Variants in EPB41 observed in about 807,000 individuals in gnomAD.
EPB41 encodes erythrocyte membrane protein band 4.1.
EPB41 carries 65 observed loss-of-function variants against 108.0 expected under a neutral mutation model. The observed-to-expected ratio is 0.60, with a 90% CI of 0.49 to 0.74. The LOEUF is 0.74. Ranked by LOEUF, EPB41 falls within the 30% of genes least tolerant of loss-of-function variation. EPB41 has a pLI of 0.00. For synonymous variants in EPB41, 336 were observed against 358.9 expected (o/e 0.94, Z 0.72); for missense variants, 875 against 1,037.0 (o/e 0.84, Z 2.15).
At chr1:29,024,964 G>A (rs1325647112) in intron 7 of EPB41, among the ~76,000 whole-genome samples, 3 of 151,956 alleles carry the variant, frequency 2.0e-5, no homozygotes, top group Admixed American at 6.6e-5. Flanking sequence ...CAACAACATG[G>A]CATTTTAACT....
intron 3 of EPB41, 96 bp from the exon 4 acceptor site, chr1:28,997,119 T>C: frequency 1.1e-6 from 1 of 920,234 alleles, no homozygotes; most frequent in South Asian, 1.3e-5. Flanking sequence ...GCCACTGTAC[T>C]CCAGCCTGGG....
At chr1:29,088,371 C>T (rs942977604) in intron 16 of EPB41, among the ~76,000 whole-genome samples, 4 of 152,008 alleles carry the variant, frequency 2.6e-5, no homozygotes, top group Non-Finnish European at 5.9e-5. Context: ...TACAGATTCC[C>T]CATCAGTTCA....
At chr1:28,936,968 A>C (rs990224877) in intron 1 of EPB41, among the ~76,000 whole-genome samples, 1 of 152,186 alleles carries the variant, frequency 6.6e-6, no homozygotes, top group African/African-American at 2.4e-5. Context: ...TTCTATGTTT[A>C]ACTTTTTGAG....
In EPB41 at chr1:29,018,284, T is replaced by G; in HGVS notation, c.966T>G (p.Phe322Leu). ...TTGCAGGACGTCTGCCCTGTTCCTT[T>G]GCAACCTTAGCATTATTAGGTTCTT... ...DIVAGRLPCS[F>L]ATLALLGSYT... The change falls in exon 7 of 21, where the codon TTT becomes TTG. Residue 322 changes from phenylalanine to leucine, a missense_variant. Coordinates refer to ENST00000343067, the MANE Select transcript of EPB41 (RefSeq NM_001376013.1). This position sits in a 1 kb window ranked among gnomAD's most constrained non-coding sequence, Gnocchi z 4.4. 6.2e-7 allele frequency: 1 copy of G among 1,614,202 alleles called. No individual in the cohort carries two copies. Among genetic ancestry groups the G allele is most frequent in the Non-Finnish European group, 8.5e-7 (1 of 1,180,044 alleles).
intron 1 of EPB41, among the ~76,000 whole-genome samples, chr1:28,890,574 G>A (rs1557601372): frequency 6.6e-6 from 1 of 152,194 alleles, no homozygotes; most frequent in Non-Finnish European, 1.5e-5. Context: ...TGAAGGCTGA[G>A]TATGACGGGC....
upstream of EPB41, among the ~76,000 whole-genome samples, chr1:28,910,717 G>A (rs157196): frequency 0.17 from 26,281 of 151,982 alleles, 2,842 homozygotes; most frequent in East Asian, 0.48. Context: ...AGTTTGCTGT[G>A]GGGAAGGATT....
At chr1:29,079,001 T>G (rs967741580) in intron 16 of EPB41, among the ~76,000 whole-genome samples, 7 of 152,082 alleles carry the variant, frequency 4.6e-5, no homozygotes, top group Non-Finnish European at 7.4e-5. Context: ...AAAATGATTT[T>G]TTTTTTTTTT....
At chr1:28,928,750 T>C (rs1006606462) in intron 1 of EPB41, among the ~76,000 whole-genome samples, 2 of 152,192 alleles carry the variant, frequency 1.3e-5, no homozygotes, top group African/African-American at 4.8e-5. Flanking sequence ...GTTGGTGTGA[T>C]CAAGATAGAA....
At chr1:29,020,218 C>G (rs964843980) in intron 7 of EPB41, among the ~76,000 whole-genome samples, 3 of 151,970 alleles carry the variant, frequency 2.0e-5, no homozygotes, top group African/African-American at 7.3e-5. Flanking sequence ...CAGGCGCCCA[C>G]CAACACACCT....
intron 1 of EPB41, among the ~76,000 whole-genome samples, chr1:28,895,779 C>T (rs1385002387): frequency 1.3e-5 from 2 of 152,152 alleles, no homozygotes; most frequent in Non-Finnish European, 1.5e-5. Flanking sequence ...TGAGCCACCA[C>T]GCCCGGCCCT....
At chr1:28,894,868 CCT>C (rs1429618613) in intron 1 of EPB41, among the ~76,000 whole-genome samples, 1 of 152,146 alleles carries the variant, frequency 6.6e-6, no homozygotes, top group Non-Finnish European at 1.5e-5. Context: ...ACTATGTGTT[CCT>C]CTTTCTGGCT....
At chr1:29,039,763 G>A (rs1445576849) in intron 11 of EPB41, among the ~76,000 whole-genome samples, 2 of 152,062 alleles carry the variant, frequency 1.3e-5, no homozygotes, top group Non-Finnish European at 2.9e-5. Flanking sequence ...GTAGTGAGCC[G>A]AGATCATGCC....
chr1:29,055,894 C>T (rs976169382), intron 12 of EPB41, among the ~76,000 whole-genome samples: 5 of 134,570 alleles, frequency 3.7e-5, no homozygotes, highest in African/African-American at 1.4e-4. Flanking sequence ...CGCCACTGCA[C>T]GCCACGCCAG....
intron 20 of EPB41, among the ~76,000 whole-genome samples, chr1:29,116,542 G>T (rs565304794): frequency 6.6e-6 from 1 of 152,304 alleles, no homozygotes; most frequent in African/African-American, 2.4e-5. Context: ...AGATGGGTGG[G>T]CATGCAGAGC....
intron 1 of EPB41, among the ~76,000 whole-genome samples, chr1:28,936,776 T>G (rs762929323): frequency 1.8e-4 from 27 of 152,260 alleles, no homozygotes; most frequent in Non-Finnish European, 3.5e-4. Context: ...CACAAAAATA[T>G]TCTATTGTAT....
intron 1 of EPB41, among the ~76,000 whole-genome samples, chr1:28,888,348 C>T (rs956777670): frequency 6.6e-6 from 1 of 152,224 alleles, no homozygotes; most frequent in Non-Finnish European, 1.5e-5. Flanking sequence ...AGCCCTGGCA[C>T]GCGCCCCGGA....
chr1:28,967,383 A>C (rs1340811409), intron 1 of EPB41, among the ~76,000 whole-genome samples: 1 of 152,116 alleles, frequency 6.6e-6, no homozygotes, highest in Non-Finnish European at 1.5e-5. Flanking sequence ...AAAGAAAGTT[A>C]CTGATACTTT....
intron 6 of EPB41, 30 bp downstream of exon 6, chr1:29,015,797 TATC>T: frequency 4.4e-6 from 6 of 1,362,284 alleles, no homozygotes; most frequent in Non-Finnish European, 6.3e-6. Flanking sequence ...ATATGTAATT[TATC>T]ATATAATAAT....
At chr1:28,892,888 C>T (rs536233789) in intron 1 of EPB41, among the ~76,000 whole-genome samples, 1 of 144,906 alleles carries the variant, frequency 6.9e-6, no homozygotes, top group Non-Finnish European at 1.5e-5. Flanking sequence ...ACTGCAACCT[C>T]TGCCTCCCAG....
Sources: gnomAD v4.1 joint callset for allele counts (sites outside exome capture counted in the v4.1 genomes callset) on GRCh38, gnomAD v4.1.1 for gene constraint, Gnocchi (gnomAD v3.1) non-coding constraint, MANE v1.5 for transcripts, NCBI Gene and HGNC (gene_info 2026-07-23, HGNC 2026-07-21) for gene names.